Variants in NAALADL2 observed in about 807,000 individuals in gnomAD.
The protein encoded by NAALADL2 is N-acetylated alpha-linked acidic dipeptidase like 2, also known as inactive N-acetylated-alpha-linked acidic dipeptidase-like protein 2.
A neutral mutation model predicts 87.2 loss-of-function variants in NAALADL2; 76 were observed. The observed-to-expected ratio is 0.87, with a 90% CI of 0.72 to 1.05. NAALADL2 has a LOEUF of 1.05. NAALADL2 is among the 50% of genes least tolerant of loss of function. The pLI, the probability that NAALADL2 is intolerant of heterozygous loss-of-function variation, is 0.00. For missense variants in NAALADL2, 1,089 were observed against 945.8 expected, an observed-to-expected ratio of 1.15 and a Z score of -1.99; for synonymous variants, 354 against 331.0, an observed-to-expected ratio of 1.07 and a Z score of -0.75.
At chr3:174,777,338 C>T (rs992279398) in intron 3 of NAALADL2, among the ~76,000 whole-genome samples, 1 of 152,056 alleles carries the variant, frequency 6.6e-6, no homozygotes, top group Admixed American at 6.6e-5. Context: ...CAAATAAAGT[C>T]ATGAAAATTA....
rs879377095 is a variant in NAALADL2 at position 174,957,601 on chromosome 3, AT to A, written c.43+98164del. Among the ~76,000 whole-genome samples the A allele has an allele frequency of 3.1e-3, 446 of 145,990 alleles. 1 individual carries two copies. The highest frequency in any genetic ancestry group is 5.4e-3 in the African/African-American group (218 of 40,132). ...AAAAGTTTTAAACTGTGGTAGGAGAATTTTTTTTTTTTTGTAGTTGTTGATT... is the reference window on the plus strand; with the variant it reads ...AAAAGTTTTAAACTGTGGTAGGAGAATTTTTTTTTTTTGTAGTTGTTGATT... On this transcript the variant is annotated intron_variant, in intron 1 of 13. Transcript: ENST00000454872.
chr3:174,871,578 A>G (rs1338552259), intron 1 of NAALADL2, among the ~76,000 whole-genome samples: 1 of 152,226 alleles, frequency 6.6e-6, no homozygotes, highest in East Asian at 1.9e-4. Flanking sequence ...TCTGCTGAAC[A>G]CTAGAAACAT....
intron 11 of NAALADL2, among the ~76,000 whole-genome samples, chr3:175,712,746 T>G (rs993564508): frequency 2.6e-5 from 4 of 152,068 alleles, no homozygotes; most frequent in African/African-American, 4.8e-5. Context: ...GACTTCTCAG[T>G]CTCCAAAACT....
rs184281268 is a variant in NAALADL2 at position 175,741,728 on chromosome 3, T to C, written c.1990+4329T>C. 4.1e-3 allele frequency among the ~76,000 whole-genome samples: 627 copies of C among 152,132 alleles called. 1 individual carries two copies. The highest frequency in any genetic ancestry group is 6.5e-3 in the Non-Finnish European group (440 of 68,000). On this transcript the variant is annotated intron_variant, in intron 12 of 13. Transcript: ENST00000454872. ...ATTTTTTCCAGCCTCCAGAGGGAGA[T>C]GCAAATGTAGGGGAGAAAAGAGCTG...
intron 1 of NAALADL2, among the ~76,000 whole-genome samples, chr3:174,451,280 C>T (rs1195847394): frequency 1.3e-5 from 2 of 152,118 alleles, no homozygotes; most frequent in Admixed American, 6.6e-5. Context: ...TTACCATTAC[C>T]GATTCTTTCC....
At chr3:175,241,650 C>T (rs1002663832) in intron 3 of NAALADL2, among the ~76,000 whole-genome samples, 2 of 152,062 alleles carry the variant, frequency 1.3e-5, no homozygotes, top group African/African-American at 4.8e-5. Context: ...TCTAACACAA[C>T]ATATTGTACA....
intron 3 of NAALADL2, among the ~76,000 whole-genome samples, chr3:174,770,340 T>A (rs550841392): frequency 6.6e-6 from 1 of 152,194 alleles, no homozygotes; most frequent in Non-Finnish European, 1.5e-5. Flanking sequence ...ATAAAGATGT[T>A]AAATTGGTGA....
chr3:175,259,365 A>G lies in NAALADL2; in HGVS notation c.939+2835A>G, dbSNP rs113689914. 7.6e-3 allele frequency among the ~76,000 whole-genome samples: 1,150 copies of G among 152,284 alleles called. 12 individuals carry two copies. Among genetic ancestry groups the G allele is most frequent in the African/African-American group, 0.026 (1,087 of 41,552 alleles). On this transcript the variant is annotated intron_variant, in intron 4 of 13. Transcript: ENST00000454872. ...ATTTTGATCATGATGAGACTAGGAA[A>G]CCTAATTACTTATTTAAGACTCTGC...
At chr3:175,314,091 G>GA (rs1386071725) in intron 4 of NAALADL2, among the ~76,000 whole-genome samples, 1 of 128,632 alleles carries the variant, frequency 7.8e-6, no homozygotes, top group Non-Finnish European at 1.7e-5. Flanking sequence ...AAAAAAAAAA[G>GA]AAAAGTGAAA....
chr3:175,574,548 G>A (rs1307018723), intron 9 of NAALADL2, among the ~76,000 whole-genome samples: 1 of 152,128 alleles, frequency 6.6e-6, no homozygotes, highest in Admixed American at 6.5e-5. Flanking sequence ...GTGGTTTCCA[G>A]CTCCAGTTTC....
rs1325613179 is a variant in NAALADL2 at position 174,702,663 on chromosome 3, T to A, written c.-114-34978T>A. 3.3e-5 allele frequency among the ~76,000 whole-genome samples: 5 copies of A among 152,220 alleles called. No individual in the cohort carries two copies. The East Asian group carries it at 9.6e-4, about 29-fold the overall frequency. ...GCTCTAGGCTGTCAGCCTGCAAGCA[T>A]GTTACTATACTGTACTCAATACAGT... On this transcript the variant is annotated intron_variant, in intron 2 of 3. Transcript: ENST00000434257.
chr3:175,149,886 T>C (rs542028507), intron 2 of NAALADL2, among the ~76,000 whole-genome samples: 1 of 152,282 alleles, frequency 6.6e-6, no homozygotes, highest in South Asian at 2.1e-4. Flanking sequence ...ACAAAGACTC[T>C]TGGAAGCGGG....
intron 2 of NAALADL2, among the ~76,000 whole-genome samples, chr3:174,587,054 C>T (rs1449968711): frequency 2.0e-5 from 3 of 150,990 alleles, no homozygotes; most frequent in Non-Finnish European, 2.9e-5. Flanking sequence ...TCATTGTTCA[C>T]TTCTCACCTA....
chr3:175,309,158 G>A (rs1022455462), intron 4 of NAALADL2, among the ~76,000 whole-genome samples: 5 of 152,034 alleles, frequency 3.3e-5, no homozygotes, highest in African/African-American at 1.2e-4. Flanking sequence ...TCCCTGATTG[G>A]TAAGGAAAAT....
chr3:175,669,020 A>C (rs2149837261), intron 11 of NAALADL2, among the ~76,000 whole-genome samples: 1 of 152,234 alleles, frequency 6.6e-6, no homozygotes. Context: ...CTTAAAAGTT[A>C]TACTTTAGGA....
chr3:174,606,178 A>G (rs1401011679), intron 2 of NAALADL2, among the ~76,000 whole-genome samples: 1 of 152,202 alleles, frequency 6.6e-6, no homozygotes, highest in African/African-American at 2.4e-5. Context: ...GTACATCACT[A>G]TCATCAAAGA....
At position 175,097,961 on chromosome 3, in the gene NAALADL2, G is replaced by A. The variant is rs76090412; in HGVS notation, c.545+670G>A. Reference sequence around the variant, plus strand: ...ACTGCTTCTCCAGAATATTCTTTCTGGGTTACATTGATTTGTTACAGCCAA... The same window carrying A: ...ACTGCTTCTCCAGAATATTCTTTCTAGGTTACATTGATTTGTTACAGCCAA... On this transcript the variant is annotated intron_variant, in intron 2 of 13. Coordinates refer to ENST00000454872, the MANE Select transcript of NAALADL2 (RefSeq NM_207015.3). Among the ~76,000 whole-genome samples, 1,229 of 152,186 alleles carry A rather than the reference G, an allele frequency of 8.1e-3. 13 individuals carry two copies. The highest frequency in any genetic ancestry group is 0.028 in the African/African-American group (1,169 of 41,506).
intron 5 of NAALADL2, among the ~76,000 whole-genome samples, chr3:175,350,038 A>C (rs1307736374): frequency 1.4e-5 from 2 of 145,176 alleles, no homozygotes; most frequent in African/African-American, 5.1e-5. Flanking sequence ...TTCCAGTTAC[A>C]AACACAAGGC....
chr3:175,281,217 C>T (rs544506207), intron 4 of NAALADL2, among the ~76,000 whole-genome samples: 64 of 151,538 alleles, frequency 4.2e-4, no homozygotes, highest in South Asian at 3.1e-3. Context: ...GACTATCTTC[C>T]GTCCATAATC....
Sources: allele counts gnomAD v4.1 joint callset (sites outside exome capture counted in the v4.1 genomes callset), GRCh38; gene constraint gnomAD v4.1.1; transcripts MANE v1.5; gene names NCBI Gene and HGNC (gene_info 2026-07-23, HGNC 2026-07-21).